PAK3: variants seen among roughly 807,000 people sequenced by gnomAD.
PAK3 encodes the protein serine/threonine-protein kinase PAK 3.
PAK3 carries 4 observed loss-of-function variants against 41.0 expected under a neutral mutation model. The observed-to-expected ratio is 0.10, with a 90% CI of 0.05 to 0.22. The LOEUF is 0.22. Among genes scored for constraint, PAK3 ranks in the 10% least tolerant of loss-of-function variants. The pLI is 1.00. For missense variants in PAK3, 205 were observed against 409.9 expected (o/e 0.50, Z 4.32); for synonymous variants, 146 against 139.6 (o/e 1.05, Z -0.32).
intron 1 of PAK3, among the ~76,000 whole-genome samples, chrX:110,992,653 C>T (rs76143073): frequency 9.2e-5 from 10 of 108,370 alleles, no homozygotes; most frequent in Non-Finnish European, 1.7e-4. Flanking sequence ...GAAAGGGACT[C>T]AGTGCAATTC....
At chrX:111,029,322 A>G (rs1389129054) in intron 1 of PAK3, among the ~76,000 whole-genome samples, 2 of 111,426 alleles carry the variant, frequency 1.8e-5, no homozygotes, top group Non-Finnish European at 3.8e-5. Flanking sequence ...CCCTGGAACC[A>G]TATGGGAGTT....
intron 1 of PAK3, among the ~76,000 whole-genome samples, chrX:110,980,608 C>T (rs750950589): frequency 9.0e-6 from 1 of 111,641 alleles, no homozygotes; most frequent in Admixed American, 9.4e-5. Flanking sequence ...ATAGGAGAAA[C>T]GACATACACA....
rs773344746 is a variant in PAK3 at position 111,008,128 on chromosome X, A to G, written c.-28+63500A>G. On this transcript the variant is annotated intron_variant, in intron 1 of 14. Transcript: ENST00000425146. The stretch of plus-strand genomic sequence containing the variant: ...GATGGGCATTTATTAAGTTTCTTCT[A>G]TGTGTAGACAAAGAGTAGTTCAAAT... 5.3e-5 allele frequency among the ~76,000 whole-genome samples: 6 copies of G among 112,448 alleles called. No individual in the cohort carries two copies. In the East Asian group the frequency reaches 1.7e-3, roughly 32 times the overall value.
At chrX:111,200,173 G>T (rs186309400) in intron 16 of PAK3, among the ~76,000 whole-genome samples, 42 of 111,109 alleles carry the variant, frequency 3.8e-4, no homozygotes, top group African/African-American at 1.3e-3. Context: ...ATGGTTAAGT[G>T]TTTTCATATA....
At chrX:111,199,927 T>A (rs770856479) in intron 16 of PAK3, among the ~76,000 whole-genome samples, 1 of 112,032 alleles carries the variant, frequency 8.9e-6, no homozygotes, top group African/African-American at 3.2e-5. Flanking sequence ...GCCATAGGTA[T>A]TTTGTTGTGT....
intron 1 of PAK3, among the ~76,000 whole-genome samples, chrX:111,006,837 C>CTT (rs1420585697): frequency 1.5e-4 from 2 of 13,291 alleles, no homozygotes; most frequent in Non-Finnish European, 3.0e-4. Context: ...TTCTTTCTTT[C>CTT]TTTCTTTCTT....
intron 16 of PAK3, among the ~76,000 whole-genome samples, chrX:111,199,133 G>T (rs1321037099): frequency 9.0e-6 from 1 of 111,247 alleles, no homozygotes; most frequent in Non-Finnish European, 1.9e-5. Flanking sequence ...ACTGGACATC[G>T]TTGGTGTATA....
chrX:110,993,791 T>C (rs988378831), intron 1 of PAK3, among the ~76,000 whole-genome samples: 3 of 111,759 alleles, frequency 2.7e-5, no homozygotes, highest in Non-Finnish European at 5.6e-5. Context: ...TATTGGCTTG[T>C]TGTAAAGGTC....
chrX:110,956,695 A>C (rs2090866653), intron 1 of PAK3, among the ~76,000 whole-genome samples: 1 of 111,213 alleles, frequency 9.0e-6, no homozygotes, highest in South Asian at 3.9e-4. Flanking sequence ...ATGAAGCACA[A>C]AGTTCTGTCA....
intron 1 of PAK3, among the ~76,000 whole-genome samples, chrX:111,075,593 A>G (rs1339940978): frequency 8.8e-6 from 1 of 113,010 alleles, no homozygotes; most frequent in Non-Finnish European, 1.9e-5. Context: ...AGCCTGCTGC[A>G]GTAGCAGATT....
At chrX:111,156,030 AAGAGTAATCTGACGGCAAATGTCC>A (rs2094102947) in intron 8 of PAK3, among the ~76,000 whole-genome samples, 1 of 111,657 alleles carries the variant, frequency 9.0e-6, no homozygotes, top group Non-Finnish European at 1.9e-5. Flanking sequence ...ATACCTTGGG[AAGAGTAATCTGACGGCAAATGTCC>A]AGAATGAATT....
At chrX:111,002,173 C>A (rs901674346) in intron 1 of PAK3, among the ~76,000 whole-genome samples, 2 of 111,701 alleles carry the variant, frequency 1.8e-5, no homozygotes, top group Non-Finnish European at 3.8e-5. Context: ...ATGTGCCAGG[C>A]ACTATAATAA....
chrX:111,181,389 A>G (rs1016372756), intron 11 of PAK3, among the ~76,000 whole-genome samples: 5 of 111,548 alleles, frequency 4.5e-5, no homozygotes, highest in African/African-American at 1.3e-4. Flanking sequence ...TTTGTCAATC[A>G]TATCATTATA....
chrX:111,096,772 CT>C (rs1004393112), intron 1 of PAK3: 1 of 90,235 alleles, frequency 1.1e-5, no homozygotes, highest in African/African-American at 4.2e-5. Flanking sequence ...GCCCGCCCCC[CT>C]ACCCAGCCCC....
intron 1 of PAK3, among the ~76,000 whole-genome samples, chrX:110,982,629 T>C (rs987579429): frequency 2.7e-5 from 3 of 111,805 alleles, no homozygotes; most frequent in African/African-American, 9.8e-5. Flanking sequence ...GTTTTGCTGG[T>C]GGGAATGAGG....
intron 1 of PAK3, among the ~76,000 whole-genome samples, chrX:111,088,165 G>A (rs1001468114): frequency 1.2e-4 from 13 of 111,400 alleles, no homozygotes; most frequent in African/African-American, 4.2e-4. Flanking sequence ...TCCTTGTGCA[G>A]CCAAATCGAG....
chrX:111,160,781 A>G (rs1215625446), intron 8 of PAK3, among the ~76,000 whole-genome samples: 1 of 111,443 alleles, frequency 9.0e-6, no homozygotes, highest in Non-Finnish European at 1.9e-5. Flanking sequence ...CCACGTCCCT[A>G]CAAAGGACAT....
At chrX:111,173,903 T>A (rs1378941986) in intron 11 of PAK3, among the ~76,000 whole-genome samples, 1 of 111,217 alleles carries the variant, frequency 9.0e-6, no homozygotes, top group Non-Finnish European at 1.9e-5. Context: ...TAAAGGAAAA[T>A]GGAATATTCT....
At chrX:111,200,593 G>A (rs1435687860) in intron 16 of PAK3, among the ~76,000 whole-genome samples, 2 of 112,116 alleles carry the variant, frequency 1.8e-5, no homozygotes, top group Non-Finnish European at 3.8e-5. Context: ...ATGGTCCAGC[G>A]CATCAGGATA....
Sources: allele counts gnomAD v4.1 joint callset (sites outside exome capture counted in the v4.1 genomes callset), GRCh38; gene constraint gnomAD v4.1.1; transcripts MANE v1.5; gene names NCBI Gene and HGNC (gene_info 2026-07-23, HGNC 2026-07-21).